Variants in SH3RF3 observed in about 807,000 individuals in gnomAD.
SH3RF3 encodes E3 ubiquitin-protein ligase SH3RF3.
A neutral mutation model predicts 66.3 loss-of-function variants in SH3RF3; 29 were observed. The ratio of observed to expected loss-of-function variants is 0.44; its 90% CI spans 0.33 to 0.60. SH3RF3 has a LOEUF of 0.60. Ranked by LOEUF, SH3RF3 falls within the 20% of genes least tolerant of loss-of-function variation. The pLI, the probability that SH3RF3 is intolerant of heterozygous loss-of-function variation, is 0.04. For missense variants in SH3RF3, 1,194 were observed against 1,190.9 expected, an observed-to-expected ratio of 1.00 and a Z score of -0.04; for synonymous variants, 583 against 532.0, an observed-to-expected ratio of 1.10 and a Z score of -1.32.
At chr2:109,418,196 C>T (rs780763123) in intron 4 of SH3RF3, among the ~76,000 whole-genome samples, 47 of 152,098 alleles carry the variant, frequency 3.1e-4, no homozygotes, top group East Asian at 1.5e-3. Flanking sequence ...TTCTGCCCCT[C>T]GTCAGGCCTA....
chr2:109,498,750 C>T (rs1298870953), intron 9 of SH3RF3, among the ~76,000 whole-genome samples: 3 of 152,184 alleles, frequency 2.0e-5, no homozygotes, highest in Non-Finnish European at 2.9e-5. Context: ...ATCCCTGTGG[C>T]GATGGGGCTT....
intron 8 of SH3RF3, among the ~76,000 whole-genome samples, chr2:109,475,324 C>T (rs1678656050): frequency 6.6e-6 from 1 of 152,342 alleles, no homozygotes; most frequent in South Asian, 2.1e-4. Context: ...TTGTGTCTGC[C>T]AAATGGATTC....
chr2:109,168,910 A>T (rs1484544644), intron 1 of SH3RF3, among the ~76,000 whole-genome samples: 1 of 151,848 alleles, frequency 6.6e-6, no homozygotes, highest in Non-Finnish European at 1.5e-5. Context: ...TATCTTCAGG[A>T]CTCCTGAGCC....
At position 109,129,505 on chromosome 2, in the gene SH3RF3, A is replaced by C. The variant is rs1442274890; in HGVS notation, c.-36A>C. ...GGGCTCCACGCCGGCCCCGGGACCT[A>C]GGCAGCCGCGCGAGACCGCTGCGGG... is the stretch of plus-strand genomic sequence containing the variant. On this transcript the variant is annotated 5_prime_UTR_variant, in exon 1 of 10. It removes the in-frame stop codon of an upstream open reading frame in the 5' UTR. Coordinates refer to ENST00000309415, the MANE Select transcript of SH3RF3 (RefSeq NM_001099289.3). The C allele has an allele frequency of 1.3e-6, 2 of 1,495,256 alleles. No homozygotes were observed. The highest frequency in any genetic ancestry group is 2.1e-5 in the Admixed American group (1 of 47,258). The allele number at this position is 1,495,256 out of a possible 1,614,324, so 92.6% of individuals were successfully genotyped here.
intron 5 of SH3RF3, among the ~76,000 whole-genome samples, chr2:109,427,300 A>AT (rs138777099): frequency 0.034 from 5,249 of 152,214 alleles, 310 homozygotes; most frequent in African/African-American, 0.12. Context: ...AGGTACTTAC[A>AT]TTTTTTTAGA....
intron 1 of SH3RF3, among the ~76,000 whole-genome samples, chr2:109,136,033 G>T (rs1676807565): frequency 6.6e-6 from 1 of 152,164 alleles, no homozygotes; most frequent in Non-Finnish European, 1.5e-5. Flanking sequence ...CTAGAATCAG[G>T]CTGCTTGCTG....
chr2:109,370,190 G>GGTCTCTGTCTCTGTCTCT (rs10625245), intron 2 of SH3RF3, among the ~76,000 whole-genome samples: 23 of 147,330 alleles, frequency 1.6e-4, no homozygotes, highest in Middle Eastern at 3.5e-3. Context: ...TTGCTGTGGT[G>GGTCTCTGTCTCTGTCTCT]GTCTCTGTCT....
intron 1 of SH3RF3, among the ~76,000 whole-genome samples, chr2:109,284,084 C>G (rs1680961297): frequency 6.6e-6 from 1 of 152,178 alleles, no homozygotes; most frequent in Admixed American, 6.5e-5. Flanking sequence ...GCCCCCTGGC[C>G]TTCCCAGATC....
Position 109,400,700 on chromosome 2 carries a change from G to A in SH3RF3, c.1299+1757G>A, listed in dbSNP as rs560381298. Among the ~76,000 whole-genome samples the A allele has an allele frequency of 3.3e-3, 505 of 152,276 alleles. 1 individual carries two copies. Among genetic ancestry groups the A allele is most frequent in the African/African-American group, 0.012 (482 of 41,554 alleles). Reference sequence around the variant, plus strand: ...CACATTGGTGGATACACACCTGCACGCATATGTGTGCACACACACAAACGC... The same window carrying A: ...CACATTGGTGGATACACACCTGCACACATATGTGTGCACACACACAAACGC... On this transcript the variant is annotated intron_variant, in intron 4 of 9. Coordinates refer to ENST00000309415, the MANE Select transcript of SH3RF3 (RefSeq NM_001099289.3).
intron 6 of SH3RF3, 135 bp downstream of exon 6, chr2:109,432,806 C>T (rs888559001): frequency 2.0e-5 from 25 of 1,224,890 alleles, no homozygotes; most frequent in Non-Finnish European, 2.4e-5. Flanking sequence ...CAGGGTTCAG[C>T]CCCCACTGGC....
intron 8 of SH3RF3, among the ~76,000 whole-genome samples, chr2:109,475,379 G>A (rs1678658156): frequency 1.3e-5 from 2 of 152,224 alleles, no homozygotes; most frequent in African/African-American, 2.4e-5. Flanking sequence ...CCCACGCAAA[G>A]TGGCTACCAG....
intron 1 of SH3RF3, among the ~76,000 whole-genome samples, chr2:109,272,192 C>T (rs986454145): frequency 2.6e-5 from 4 of 152,232 alleles, no homozygotes; most frequent in Non-Finnish European, 5.9e-5. Context: ...CCCCCACAGC[C>T]CTCTGCAATG....
chr2:109,399,858 A>C (rs1326265035), intron 4 of SH3RF3, among the ~76,000 whole-genome samples: 1 of 152,182 alleles, frequency 6.6e-6, no homozygotes, highest in African/African-American at 2.4e-5. Context: ...GACCTTCTGC[A>C]GGACTGTGGC....
rs1255036682 is a variant in SH3RF3, at chr2:109,451,411, A to T, written c.2148+1922A>T. ...GAAACAACCAGGGGCAGACTTGGAA[A>T]GTGGGGGCTGTAATAGTTCCTTAAG... is the stretch of plus-strand genomic sequence containing the variant. On this transcript the variant is annotated intron_variant, in intron 8 of 9. Transcript: ENST00000309415. Among the ~76,000 whole-genome samples, 3 of 152,206 alleles carry T rather than the reference A, an allele frequency of 2.0e-5. No individual in the cohort carries two copies. In the East Asian group the frequency reaches 5.8e-4, roughly 29 times the overall value.
At position 109,339,504 on chromosome 2, in the gene SH3RF3, G is replaced by A. The variant is rs201636321; in HGVS notation, c.574-8170G>A. Among the ~76,000 whole-genome samples the A allele has an allele frequency of 5.3e-4, 80 of 152,262 alleles. 1 individual carries two copies. The East Asian group carries it at 6.8e-3, about 13-fold the overall frequency. On this transcript the variant is annotated intron_variant, in intron 1 of 9. Coordinates refer to ENST00000309415, the MANE Select transcript of SH3RF3 (RefSeq NM_001099289.3). ...GAGGCCACCCACAAAGGAGGCCCAC[G>A]TGAGTGTGCTGCCCAAAAGGCCGGT...
intron 4 of SH3RF3, among the ~76,000 whole-genome samples, chr2:109,408,345 C>T (rs968289481): frequency 9.9e-5 from 15 of 152,160 alleles, no homozygotes; most frequent in African/African-American, 3.1e-4. Flanking sequence ...TGGCCCTGGA[C>T]GGGAGGACTG....
At chr2:109,176,591 G>A (rs549008145) in intron 1 of SH3RF3, among the ~76,000 whole-genome samples, 125 of 152,272 alleles carry the variant, frequency 8.2e-4, no homozygotes, top group African/African-American at 2.9e-3. Flanking sequence ...TAAAAAATTA[G>A]CCAGGTGTGG....
chr2:109,160,960 G>A (rs980665574), intron 1 of SH3RF3, among the ~76,000 whole-genome samples: 9 of 152,286 alleles, frequency 5.9e-5, no homozygotes, highest in African/African-American at 9.6e-5. Context: ...AGAGGAGGGC[G>A]TGGCAGGGGC....
chr2:109,191,522 G>A (rs1361884573), intron 1 of SH3RF3, among the ~76,000 whole-genome samples: 2 of 152,232 alleles, frequency 1.3e-5, no homozygotes, highest in African/African-American at 4.8e-5. Flanking sequence ...GAAAGGGGTA[G>A]GGTGCCCCTC....
Sources: allele counts gnomAD v4.1 joint callset (sites outside exome capture counted in the v4.1 genomes callset), GRCh38; gene constraint gnomAD v4.1.1; transcripts MANE v1.5; gene names NCBI Gene and HGNC (gene_info 2026-07-23, HGNC 2026-07-21).